Variants in KCNB2 observed in about 807,000 individuals in gnomAD.
KCNB2 encodes potassium voltage-gated channel subfamily B member 2.
In KCNB2, 15 loss-of-function variants were observed where a neutral mutation model predicts 61.5. The observed-to-expected ratio is 0.24, with a 90% CI of 0.16 to 0.38. The LOEUF (loss-of-function observed/expected upper bound fraction) is 0.38, where lower values mean the gene tolerates loss of function less well. Among genes scored for constraint, KCNB2 ranks in the 10% least tolerant of loss-of-function variants. The probability of loss-of-function intolerance (pLI) is 1.00; values close to 1 mark genes in which losing one functional copy is unlikely to be tolerated. For missense variants in KCNB2, 828 were observed against 1,125.2 expected (o/e 0.74, Z 3.78); for synonymous variants, 457 against 446.0 (o/e 1.02, Z -0.31).
At chr8:72,570,101 G>T (rs1806686376) in intron 2 of KCNB2, among the ~76,000 whole-genome samples, 1 of 152,166 alleles carries the variant, frequency 6.6e-6, no homozygotes, top group Non-Finnish European at 1.5e-5. Context: ...AGAAGAAATA[G>T]CCATTTCTTA....
At chr8:72,919,116 T>C (rs1415779781) in intron 2 of KCNB2, among the ~76,000 whole-genome samples, 1 of 152,264 alleles carries the variant, frequency 6.6e-6, no homozygotes, top group Non-Finnish European at 1.5e-5. Flanking sequence ...ATACATCTGT[T>C]TATATATGTA....
At chr8:72,856,079 G>T (rs150939268) in intron 2 of KCNB2, among the ~76,000 whole-genome samples, 68 of 152,174 alleles carry the variant, frequency 4.5e-4, no homozygotes, top group African/African-American at 1.6e-3. Context: ...GTGGTTGAAT[G>T]AACAGATACA....
chr8:72,839,430 C>T (rs1050034601), intron 2 of KCNB2, among the ~76,000 whole-genome samples: 4 of 152,054 alleles, frequency 2.6e-5, no homozygotes, highest in Non-Finnish European at 4.4e-5. Flanking sequence ...ATGAATAAGA[C>T]ACCATCTCAT....
chr8:72,744,849 G>A (rs371455353), intron 2 of KCNB2, among the ~76,000 whole-genome samples: 40 of 152,312 alleles, frequency 2.6e-4, no homozygotes, highest in Middle Eastern at 3.4e-3. Context: ...AGCCATAGGG[G>A]TAAGCCAGAT....
intron 2 of KCNB2, among the ~76,000 whole-genome samples, chr8:72,682,317 T>C (rs988181955): frequency 2.0e-5 from 3 of 152,142 alleles, no homozygotes; most frequent in African/African-American, 7.2e-5. Flanking sequence ...AAGAATATCT[T>C]ATACTTTTCT....
intron 2 of KCNB2, among the ~76,000 whole-genome samples, chr8:72,619,730 AAAG>A (rs1316489950): frequency 6.6e-6 from 1 of 152,190 alleles, no homozygotes; most frequent in Non-Finnish European, 1.5e-5. Flanking sequence ...ATCCACAAAA[AAAG>A]AGTTTCTCAA....
intron 2 of KCNB2, among the ~76,000 whole-genome samples, chr8:72,582,339 G>C (rs902659052): frequency 6.6e-6 from 1 of 152,204 alleles, no homozygotes. Context: ...ATTTCTACGG[G>C]AGATTGGAAT....
chr8:72,551,133 C>A (rs578166702), intron 1 of KCNB2, among the ~76,000 whole-genome samples: 1 of 152,276 alleles, frequency 6.6e-6, no homozygotes, highest in East Asian at 1.9e-4. Flanking sequence ...AGCACCAACC[C>A]CACCTTCATG....
intron 2 of KCNB2, among the ~76,000 whole-genome samples, chr8:72,607,480 A>G (rs950651465): frequency 1.3e-5 from 2 of 152,220 alleles, no homozygotes; most frequent in Admixed American, 6.5e-5. Flanking sequence ...CATTACAGTG[A>G]CTCATTCTTT....
At chr8:72,873,940 A>G (rs1426579668) in intron 2 of KCNB2, among the ~76,000 whole-genome samples, 1 of 152,256 alleles carries the variant, frequency 6.6e-6, no homozygotes, top group African/African-American at 2.4e-5. Flanking sequence ...TAGAAATAGC[A>G]TGTCCTGAAA....
intron 1 of KCNB2, among the ~76,000 whole-genome samples, chr8:72,553,883 C>T (rs1806382088): frequency 6.6e-6 from 1 of 151,996 alleles, no homozygotes; most frequent in Non-Finnish European, 1.5e-5. Flanking sequence ...GTAGTAGATG[C>T]TCAATAAATA....
chr8:72,555,918 C>A (rs1806419075), intron 1 of KCNB2, among the ~76,000 whole-genome samples: 2 of 151,976 alleles, frequency 1.3e-5, no homozygotes, highest in African/African-American at 4.8e-5. Flanking sequence ...ATTTCACAAC[C>A]CTTAACCACA....
intron 2 of KCNB2, among the ~76,000 whole-genome samples, chr8:72,617,645 G>T (rs1445300548): frequency 6.6e-6 from 1 of 151,510 alleles, no homozygotes; most frequent in Non-Finnish European, 1.5e-5. Flanking sequence ...TTGATTAGTG[G>T]ACATTTTTAC....
chr8:72,747,795 G>A (rs570690126), intron 2 of KCNB2, among the ~76,000 whole-genome samples: 17 of 152,286 alleles, frequency 1.1e-4, no homozygotes, highest in African/African-American at 3.6e-4. Context: ...CAAAGGAAAC[G>A]AACAAGATAA....
At chr8:72,805,255 T>A (rs1367747896) in intron 2 of KCNB2, among the ~76,000 whole-genome samples, 1 of 152,140 alleles carries the variant, frequency 6.6e-6, no homozygotes, top group Non-Finnish European at 1.5e-5. Flanking sequence ...TTCAGCAAGA[T>A]CAAATATGTC....
intron 2 of KCNB2, among the ~76,000 whole-genome samples, chr8:72,684,339 T>C (rs1475477159): frequency 6.6e-6 from 1 of 152,150 alleles, no homozygotes; most frequent in Non-Finnish European, 1.5e-5. Context: ...GCTGCAGTGT[T>C]GTAGAAGGAT....
At chr8:72,926,407 G>T (rs73319474) in intron 2 of KCNB2, among the ~76,000 whole-genome samples, 7,889 of 152,004 alleles carry the variant, frequency 0.052, 644 homozygotes, top group African/African-American at 0.18. Flanking sequence ...GTGTTCACAT[G>T]TATTATTTTC....
chr8:72,743,972 A>G (rs1483290811), intron 2 of KCNB2, among the ~76,000 whole-genome samples: 1 of 152,182 alleles, frequency 6.6e-6, no homozygotes, highest in African/African-American at 2.4e-5. Context: ...TATATTTTTC[A>G]CCAATTTCTT....
rs539322629 is a variant in KCNB2 at position 72,589,525 on chromosome 8, G to A, written c.579+21212G>A. ...CATGACTGTGGCACTATCAGTGCTT[G>A]GTAGTGGAGACTGGGATACTCTACT... On this transcript the variant is annotated intron_variant, in intron 2 of 2. Coordinates refer to ENST00000523207, the MANE Select transcript of KCNB2 (RefSeq NM_004770.3). Among the ~76,000 whole-genome samples, 29 of 152,316 alleles carry A rather than the reference G, an allele frequency of 1.9e-4. 1 individual carries two copies. The South Asian group carries it at 5.8e-3, about 30-fold the overall frequency.
Sources: allele counts gnomAD v4.1 joint callset (sites outside exome capture counted in the v4.1 genomes callset), GRCh38; gene constraint gnomAD v4.1.1; transcripts MANE v1.5; gene names NCBI Gene and HGNC (gene_info 2026-07-23, HGNC 2026-07-21).